ZNF566: variants seen among roughly 807,000 people sequenced by gnomAD.
ZNF566 encodes zinc finger protein 566.
Under a neutral mutation model 32.8 loss-of-function variants are expected in ZNF566, and 27 were observed. The observed-to-expected ratio is 0.82, with a 90% CI of 0.61 to 1.14. The LOEUF (loss-of-function observed/expected upper bound fraction) is 1.14, where lower values mean the gene tolerates loss of function less well. Ranked by LOEUF, ZNF566 falls within the 50% of genes most tolerant of loss-of-function variation. ZNF566 has a pLI of 0.00. For missense variants in ZNF566, 402 were observed against 490.4 expected (o/e 0.82, Z 1.70); for synonymous variants, 154 against 159.5 (o/e 0.97, Z 0.26).
chr19:36,448,680 G>A lies in ZNF566; in HGVS notation c.*297C>T, dbSNP rs1451921108. 4.5e-6 allele frequency: 1 copy of A among 223,522 alleles called. No homozygotes were observed. Among genetic ancestry groups the A allele is most frequent in the Admixed American group, 5.5e-5 (1 of 18,342 alleles). The allele number at this position is 223,522 out of a possible 1,614,324, so 13.8% of individuals were successfully genotyped here. On this transcript the variant is annotated 3_prime_UTR_variant, in exon 5 of 5. Transcript: ENST00000452939. ...TTCTACAAAAATTCTCTGACGTTAAGAAGGTTAGAAAGGTGTTAAAAGTGC... is the reference window on the plus strand; with the variant it reads ...TTCTACAAAAATTCTCTGACGTTAAAAAGGTTAGAAAGGTGTTAAAAGTGC...
At chr19:36,471,768 A>G (rs2033772336) in intron 4 of ZNF566, among the ~76,000 whole-genome samples, 1 of 151,362 alleles carries the variant, frequency 6.6e-6, no homozygotes. Context: ...TTTTTGAGAG[A>G]GTCTCTCTCT....
Position 36,449,347 on chromosome 19 carries a change from G to A in ZNF566, c.887C>T (p.Ser296Leu), listed in dbSNP as rs767785410. Residue 296 changes from serine to leucine, a missense_variant, in exon 5 of 5, where the codon TCA becomes TTA. By Grantham distance (145) the Ser-to-Leu change is moderately radical. Around this residue, in one of 3 missense-constraint regions of ZNF566, gnomAD observed 135 missense variants for 210.0 expected, o/e 0.64. Transcript: ENST00000452939. ...KECGKAFSSG[S>L]NFTQHQRIHT... is the part of the protein sequence containing the mutation. ...AATTCTCTGATGTTGAGTAAAGTTT[G>A]AGCCACTACTAAAGGCCTTCCCGCA... 6.2e-7 allele frequency: 1 copy of A among 1,614,152 alleles called. No homozygotes were observed. The highest frequency in any genetic ancestry group is 8.5e-7 in the Non-Finnish European group (1 of 1,180,020).
rs1337423668 is a variant in ZNF566, at chr19:36,488,442, G to A, written c.-60+1044C>T. Among the ~76,000 whole-genome samples, 5 of 152,206 alleles carry A rather than the reference G, an allele frequency of 3.3e-5. No individual in the cohort carries two copies. In the East Asian group the frequency reaches 7.7e-4, roughly 24 times the overall value. On this transcript the variant is annotated intron_variant, in intron 1 of 4. Transcript: ENST00000452939. The stretch of plus-strand genomic sequence containing the variant: ...GGAACTATGCTTTGGTAGGGATATG[G>A]AGCAATAAGATATTTCAAACATTGC...
In ZNF566 at chr19:36,449,828, C is replaced by T. The variant is rs753168500; in HGVS notation, c.406G>A (p.Gly136Arg). The change falls in exon 5 of 5, where the codon GGG becomes AGG. Residue 136 changes from glycine (G) to arginine (R), a missense_variant. Gly to Arg is a moderately radical substitution (Grantham distance 125, BLOSUM62 -2). This residue lies in a region of ZNF566 where 220 missense variants were observed against 241.9 expected (regional missense o/e 0.91). Transcript: ENST00000452939. ...RQFKKELGSQ[G>R]GHFNQLVFTH... ...AATACCAATTGATTGAAATGTCCCC[C>T]CTGAGAGCCGAGTTCTTTCTTAAAC... The T allele has an allele frequency of 1.2e-6, 2 of 1,614,134 alleles. No individual in the cohort carries two copies. Among genetic ancestry groups the T allele is most frequent in the Admixed American group, 1.7e-5 (1 of 60,010 alleles).
At chr19:36,488,388 C>T (rs2034224799) in intron 1 of ZNF566, among the ~76,000 whole-genome samples, 1 of 152,214 alleles carries the variant, frequency 6.6e-6, no homozygotes, top group African/African-American at 2.4e-5. Flanking sequence ...AGCCTCCACA[C>T]TTGGCCTACA....
chr19:36,475,313 A>G (rs2033857547), intron 2 of ZNF566, among the ~76,000 whole-genome samples: 2 of 152,192 alleles, frequency 1.3e-5, no homozygotes, highest in African/African-American at 4.8e-5. Flanking sequence ...TGCTGGAATT[A>G]CAGGTGTGAG....
intron 1 of ZNF566, among the ~76,000 whole-genome samples, chr19:36,481,903 T>C (rs1187022020): frequency 2.0e-5 from 3 of 152,192 alleles, no homozygotes; most frequent in African/African-American, 7.2e-5. Context: ...TGAATATCTC[T>C]TTAACTGCCT....
intron 1 of ZNF566, among the ~76,000 whole-genome samples, chr19:36,478,904 A>G (rs1042382766): frequency 6.6e-6 from 1 of 152,238 alleles, no homozygotes; most frequent in Non-Finnish European, 1.5e-5. Flanking sequence ...CTCAGTGGCT[A>G]TGCCCATGCA....
At position 36,476,618 on chromosome 19, in the gene ZNF566, T is replaced by A. The variant is rs1555774453; in HGVS notation, c.-59-2A>T. ...CTCTTCTTTTGGAGAAGGGTAGAGC[T>A]GGGAGAGGCAAAAGAAGATAGATAA... On this transcript the variant is annotated splice_acceptor_variant, in intron 1 of 4. Coordinates refer to ENST00000452939, the MANE Select transcript of ZNF566 (RefSeq NM_001145344.1). LOFTEE classifies it low-confidence loss of function (5UTR_SPLICE). 3 of 1,609,226 alleles carry A rather than the reference T, an allele frequency of 1.9e-6. No individual in the cohort carries two copies. Among genetic ancestry groups the A allele is most frequent in the Middle Eastern group, 1.7e-4 (1 of 6,042 alleles).
At chr19:36,479,583 C>T (rs1441568280) in intron 1 of ZNF566, among the ~76,000 whole-genome samples, 1 of 152,114 alleles carries the variant, frequency 6.6e-6, no homozygotes, top group Non-Finnish European at 1.5e-5. Flanking sequence ...TCGACATATA[C>T]CATATGTACT....
At chr19:36,474,927 C>T (rs764604878) in intron 2 of ZNF566, among the ~76,000 whole-genome samples, 10 of 152,280 alleles carry the variant, frequency 6.6e-5, no homozygotes, top group East Asian at 5.8e-4. Context: ...CTAAAGACCT[C>T]GCCAACATTG....
At chr19:36,456,302 G>A (rs1280258541) in intron 4 of ZNF566, among the ~76,000 whole-genome samples, 4 of 149,886 alleles carry the variant, frequency 2.7e-5, no homozygotes, top group Non-Finnish European at 3.0e-5. Flanking sequence ...TTGGAAGGCC[G>A]AGGCAGGTGG....
At chr19:36,482,241 G>A (rs1468717750) in intron 1 of ZNF566, among the ~76,000 whole-genome samples, 2 of 152,152 alleles carry the variant, frequency 1.3e-5, no homozygotes, top group African/African-American at 4.8e-5. Context: ...CAGTAGCTGG[G>A]ACTACAGGCG....
chr19:36,456,365 A>T (rs930639649), intron 4 of ZNF566: 1 of 133,134 alleles, frequency 7.5e-6, no homozygotes, highest in African/African-American at 2.9e-5. Context: ...GTGAAGCCCC[A>T]TCTCTACTAA....
chr19:36,484,695 T>C (rs922466713), intron 1 of ZNF566, among the ~76,000 whole-genome samples: 1 of 147,030 alleles, frequency 6.8e-6, no homozygotes, highest in African/African-American at 2.5e-5. Flanking sequence ...GTTAACGCCA[T>C]TCTCCTGCCA....
rs765090946 is a variant in ZNF566 at position 36,449,549 on chromosome 19, A to G, written c.685T>C (p.Cys229Arg). The G allele has an allele frequency of 6.2e-7, 1 of 1,614,174 alleles. No homozygotes were observed. Among genetic ancestry groups the G allele is most frequent in the South Asian group, 1.1e-5 (1 of 91,084 alleles). Residue 229 changes from cysteine (C) to arginine (R), a missense_variant, in exon 5 of 5, where the codon TGT becomes CGT. Transcript: ENST00000452939. ...KIHTGKKPFECKECGKTFICG... is the reference protein window; with the variant it reads ...KIHTGKKPFERKECGKTFICG... ...ATAAAGGTTTTTCCACATTCCTTAC[A>G]TTCAAAGGGTTTCTTGCCAGTATGA...
chr19:36,484,898 T>C (rs1430922585), intron 1 of ZNF566, among the ~76,000 whole-genome samples: 1 of 152,122 alleles, frequency 6.6e-6, no homozygotes, highest in East Asian at 1.9e-4. Flanking sequence ...CATTTTTACA[T>C]AGTTTCAAAT....
intron 4 of ZNF566, among the ~76,000 whole-genome samples, chr19:36,463,635 T>C (rs1351309223): frequency 6.7e-6 from 1 of 149,214 alleles, no homozygotes; most frequent in Non-Finnish European, 1.5e-5. Flanking sequence ...CTCTGCCTCC[T>C]GGGTTCAAGT....
At chr19:36,466,790 T>C (rs1219221092) in intron 4 of ZNF566, among the ~76,000 whole-genome samples, 1 of 152,058 alleles carries the variant, frequency 6.6e-6, no homozygotes. Context: ...TACAGACAAT[T>C]CGGCCAGGCG....
Sources: gnomAD v4.1 joint callset for allele counts (sites outside exome capture counted in the v4.1 genomes callset) on GRCh38, gnomAD v4.1.1 for gene constraint, gnomAD v4.1.1 regional missense constraint, MANE v1.5 for transcripts, NCBI Gene and HGNC (gene_info 2026-07-23, HGNC 2026-07-21) for gene names.